GALNT17: variants seen among roughly 807,000 people sequenced by gnomAD.
GALNT17 encodes UDP-GalNAc:polypeptide N-acetylgalactosaminyltransferase-like 3.
A neutral mutation model predicts 63.7 loss-of-function variants in GALNT17; 29 were observed. The observed-to-expected ratio is 0.46, with a 90% CI of 0.34 to 0.62. The LOEUF (loss-of-function observed/expected upper bound fraction) is 0.62. Ranked by LOEUF, GALNT17 falls within the 20% of genes least tolerant of loss-of-function variation. The pLI, the probability that GALNT17 is intolerant of heterozygous loss-of-function variation, is 0.01. For missense variants in GALNT17, 603 were observed against 799.6 expected, an observed-to-expected ratio of 0.75 and a Z score of 2.97; for synonymous variants, 305 against 318.3, an observed-to-expected ratio of 0.96 and a Z score of 0.45.
chr7:71,201,557 T>C (rs911914355), intron 1 of GALNT17, among the ~76,000 whole-genome samples: 2 of 151,978 alleles, frequency 1.3e-5, no homozygotes, highest in African/African-American at 4.8e-5. Context: ...TCTAAGTTTG[T>C]TTTTCTCCAT....
At chr7:71,279,188 T>C (rs190739487) in intron 1 of GALNT17, among the ~76,000 whole-genome samples, 16 of 151,950 alleles carry the variant, frequency 1.1e-4, no homozygotes, top group Admixed American at 5.2e-4. Flanking sequence ...CTCCCAACCC[T>C]CTGTGTATCT....
At chr7:71,438,634 T>C (rs1201413974) in intron 5 of GALNT17, among the ~76,000 whole-genome samples, 2 of 152,180 alleles carry the variant, frequency 1.3e-5, no homozygotes, top group African/African-American at 4.8e-5. Context: ...AGATAATACA[T>C]GTAAAATGCT....
At chr7:71,201,241 T>TATATATATATATATA (rs1554338085) in intron 1 of GALNT17, among the ~76,000 whole-genome samples, 55 of 138,436 alleles carry the variant, frequency 4.0e-4, no homozygotes, top group African/African-American at 1.4e-3. Flanking sequence ...GTGTTTATTT[T>TATATATATATATATA]TATATATATA....
At chr7:71,476,547 A>T (rs1041648545) in intron 5 of GALNT17, among the ~76,000 whole-genome samples, 1 of 151,992 alleles carries the variant, frequency 6.6e-6, no homozygotes, top group South Asian at 2.1e-4. Flanking sequence ...AGGTTGACTA[A>T]TTGTTGAAGG....
At chr7:71,634,574 T>C (rs1403255800) in intron 6 of GALNT17, among the ~76,000 whole-genome samples, 1 of 151,612 alleles carries the variant, frequency 6.6e-6, no homozygotes. Flanking sequence ...ACCAACATGG[T>C]AAAACTCCGT....
chr7:71,495,698 T>C (rs934358050), intron 5 of GALNT17, among the ~76,000 whole-genome samples: 5 of 152,168 alleles, frequency 3.3e-5, no homozygotes, highest in African/African-American at 1.2e-4. Context: ...TGGAGGATGC[T>C]TGATGGTCAC....
At chr7:71,560,193 CAAAAAAAAAA>C (rs57189106) in intron 5 of GALNT17, among the ~76,000 whole-genome samples, 1 of 94,480 alleles carries the variant, frequency 1.1e-5, no homozygotes, top group Non-Finnish European at 2.0e-5. Context: ...GACTCCATCT[CAAAAAAAAAA>C]AAAAAAAAAA....
chr7:71,697,171 A>G (rs1193258251), intron 9 of GALNT17, among the ~76,000 whole-genome samples: 1 of 152,154 alleles, frequency 6.6e-6, no homozygotes, highest in Non-Finnish European at 1.5e-5. Flanking sequence ...CATGGTAGAA[A>G]GTTTATTCTT....
At chr7:71,509,889 T>G (rs1274507198) in intron 5 of GALNT17, among the ~76,000 whole-genome samples, 3 of 152,218 alleles carry the variant, frequency 2.0e-5, no homozygotes, top group African/African-American at 4.8e-5. Flanking sequence ...TTTGTTTTTC[T>G]TAATTAGCTT....
intron 1 of GALNT17, among the ~76,000 whole-genome samples, chr7:71,142,955 A>T (rs1787944137): frequency 6.6e-6 from 1 of 152,052 alleles, no homozygotes; most frequent in African/African-American, 2.4e-5. Context: ...AAAAAAAAAA[A>T]AAAGGAATGT....
intron 1 of GALNT17, among the ~76,000 whole-genome samples, chr7:71,181,100 A>C (rs1182926072): frequency 6.6e-6 from 1 of 152,016 alleles, no homozygotes; most frequent in Admixed American, 6.6e-5. Context: ...CTAAAAACAC[A>C]AAAAATTAAC....
intron 5 of GALNT17, among the ~76,000 whole-genome samples, chr7:71,422,532 G>A (rs1041790011): frequency 2.0e-5 from 3 of 152,246 alleles, no homozygotes; most frequent in African/African-American, 4.8e-5. Context: ...CGGGGCATAT[G>A]ACAGGGGTGT....
intron 4 of GALNT17, among the ~76,000 whole-genome samples, chr7:71,417,335 T>A (rs1643191922): frequency 6.6e-6 from 1 of 152,304 alleles, no homozygotes. Context: ...CTGATAACAC[T>A]GACCCCTTCA....
At chr7:71,354,008 T>C (rs796995910) in intron 2 of GALNT17, among the ~76,000 whole-genome samples, 17 of 151,962 alleles carry the variant, frequency 1.1e-4, no homozygotes, top group African/African-American at 4.1e-4. Context: ...GGGAGCAGGA[T>C]CAAGAGAGAG....
chr7:71,246,414 C>T (rs559430159), intron 1 of GALNT17, among the ~76,000 whole-genome samples: 4 of 151,828 alleles, frequency 2.6e-5, no homozygotes, highest in South Asian at 2.1e-4. Context: ...TGAGCCACCA[C>T]GCCTGGCCCC....
chr7:71,259,638 G>GTTTTTTTTTTTTTT lies in GALNT17; in HGVS notation c.239-75905_239-75904insTTTTTTTTTTTTTT, dbSNP rs1219751607. 7.5e-4 allele frequency among the ~76,000 whole-genome samples: 104 copies of GTTTTTTTTTTTTTT among 137,978 alleles called. 1 individual carries two copies. Among genetic ancestry groups the GTTTTTTTTTTTTTT allele is most frequent in the African/African-American group, 2.5e-3 (89 of 35,052 alleles). 90.5% of individuals were successfully genotyped at this position (137,978 alleles called of 152,430 possible). Reference sequence around the variant, plus strand: ...AGATCTTGGTCCTGTTTTGTTTTTTGTTTTTTTGTTTTTTTTTTTTTGAGA... The same window carrying GTTTTTTTTTTTTTT: ...AGATCTTGGTCCTGTTTTGTTTTTTGTTTTTTTTTTTTTTTTTTTTTGTTTTTTTTTTTTTGAGA... On this transcript the variant is annotated intron_variant, in intron 1 of 10. Coordinates refer to ENST00000333538, the MANE Select transcript of GALNT17 (RefSeq NM_022479.3).
chr7:71,676,974 TG>T (rs1311777666), intron 8 of GALNT17, among the ~76,000 whole-genome samples: 1 of 151,890 alleles, frequency 6.6e-6, no homozygotes, highest in African/African-American at 2.4e-5. Flanking sequence ...GCTGTGAGGG[TG>T]GGGGGGCAAG....
At chr7:71,676,638 C>T (rs1410724989) in intron 8 of GALNT17, among the ~76,000 whole-genome samples, 1 of 152,108 alleles carries the variant, frequency 6.6e-6, no homozygotes, top group East Asian at 1.9e-4. Context: ...CTCCTGCCTC[C>T]CAAAGTGCTG....
rs117652171 is a variant in GALNT17, at chr7:71,235,932, C to A, written c.239-99618C>A. ...CAGTGGCTTACGCCTTTAATCCCAG[C>A]ACTTTGGCATGCTGAGGCGGGTGGA... On this transcript the variant is annotated intron_variant, in intron 1 of 10. Transcript: ENST00000333538. Among the ~76,000 whole-genome samples, 231 of 152,346 alleles carry A rather than the reference C, an allele frequency of 1.5e-3. 5 individuals carry two copies. In the East Asian group the frequency reaches 0.041, roughly 27 times the overall value.
Sources: gnomAD v4.1 joint callset for allele counts (sites outside exome capture counted in the v4.1 genomes callset) on GRCh38, gnomAD v4.1.1 for gene constraint, MANE v1.5 for transcripts, NCBI Gene and HGNC (gene_info 2026-07-23, HGNC 2026-07-21) for gene names.